FAM227A: variants seen among roughly 807,000 people sequenced by gnomAD.
The protein encoded by FAM227A is protein FAM227A.
In FAM227A, 80 loss-of-function variants were observed where a neutral mutation model predicts 74.7. The ratio of observed to expected loss-of-function variants is 1.07; its 90% CI spans 0.89 to 1.29. The LOEUF (loss-of-function observed/expected upper bound fraction) is 1.29. FAM227A is among the 50% of genes most tolerant of loss of function. The pLI is 0.00. For synonymous variants in FAM227A, 237 were observed against 241.8 expected (o/e 0.98, Z 0.19); for missense variants, 654 against 683.4 (o/e 0.96, Z 0.48).
intron 1 of FAM227A, among the ~76,000 whole-genome samples, chr22:38,655,825 A>G (rs571942220): frequency 1.3e-5 from 2 of 152,298 alleles, no homozygotes; most frequent in South Asian, 4.1e-4. Context: ...TTGGAGTCAA[A>G]GACCCCTGGG....
intron 6 of FAM227A, among the ~76,000 whole-genome samples, chr22:38,631,294 C>CA (rs2091911187): frequency 6.6e-6 from 1 of 151,970 alleles, no homozygotes; most frequent in South Asian, 2.1e-4. Flanking sequence ...AAACAGAAAA[C>CA]AAAATACTGC....
rs540629277 is a variant in FAM227A, at chr22:38,612,498, T to G, written c.1039-5022A>C. ...TGGCTGACTCCTCATCTCTTGGTTC[T>G]CAGCTCAAATGGTATCTTCTGGGGT... On this transcript the variant is annotated intron_variant, in intron 11 of 16. Coordinates refer to ENST00000535113, the MANE Select transcript of FAM227A (RefSeq NM_001013647.2). Among the ~76,000 whole-genome samples, 93 of 152,308 alleles carry G rather than the reference T, an allele frequency of 6.1e-4. 2 individuals are homozygous for G. In the South Asian group the frequency reaches 0.01, roughly 17 times the overall value.
At chr22:38,652,590 GAAA>G (rs779788341) in intron 1 of FAM227A, among the ~76,000 whole-genome samples, 1 of 59,164 alleles carries the variant, frequency 1.7e-5, no homozygotes, top group Non-Finnish European at 3.5e-5. Flanking sequence ...TCCATCTCAA[GAAA>G]AAAAAAAAAA....
At chr22:38,645,693 C>A (rs1214270610) in intron 2 of FAM227A, 48 bp from the exon 3 acceptor site, 1 of 1,226,618 alleles carries the variant, frequency 8.2e-7, no homozygotes, top group Non-Finnish European at 1.2e-6. Context: ...ATTACACACA[C>A]AACAGGATGG....
Position 38,650,273 on chromosome 22 carries a change from TAAAC to T in FAM227A, c.-94-15_-94-12del. On this transcript the variant is annotated splice_polypyrimidine_tract_variant and intron_variant, in intron 1 of 16. Coordinates refer to ENST00000535113, the MANE Select transcript of FAM227A (RefSeq NM_001013647.2). ...TGTTTAATCAGCCTCCTGGAAATCA[TAAAC>T]AGCATAGAGCCAGCTCAGAAAACAC... 8.6e-7 allele frequency: 1 copy of T among 1,156,258 alleles called. No individual in the cohort carries two copies. Among genetic ancestry groups the T allele is most frequent in the South Asian group, 1.5e-5 (1 of 67,588 alleles). 71.6% of individuals were successfully genotyped at this position (1,156,258 alleles called of 1,614,324 possible). A position where few individuals can be genotyped will look rare whatever the true frequency, so the allele number is the denominator to read the frequency against.
At chr22:38,635,717 G>A (rs2091990255) in intron 6 of FAM227A, among the ~76,000 whole-genome samples, 1 of 152,194 alleles carries the variant, frequency 6.6e-6, no homozygotes, top group African/African-American at 2.4e-5. Context: ...AATTGGCTGG[G>A]CATAGTGGTT....
At chr22:38,590,086 C>CACAAA (rs59529052) in intron 16 of FAM227A, among the ~76,000 whole-genome samples, 47,487 of 146,432 alleles carry the variant, frequency 0.32, 8,068 homozygotes, top group African/African-American at 0.4. Context: ...ATCTCTGCTA[C>CACAAA]ACAAAACAAA....
At chr22:38,611,550 A>T (rs1170209834) in intron 11 of FAM227A, among the ~76,000 whole-genome samples, 1 of 152,216 alleles carries the variant, frequency 6.6e-6, no homozygotes, top group Non-Finnish European at 1.5e-5. Context: ...CCTAGATTGA[A>T]TCTATAAGAA....
At chr22:38,653,152 C>G (rs1254921676) in intron 1 of FAM227A, among the ~76,000 whole-genome samples, 3 of 152,066 alleles carry the variant, frequency 2.0e-5, no homozygotes, top group Non-Finnish European at 1.5e-5. Flanking sequence ...AGTGCAAACC[C>G]TATTATGAAC....
intron 15 of FAM227A, among the ~76,000 whole-genome samples, chr22:38,593,045 C>A (rs1377265900): frequency 6.6e-6 from 1 of 152,188 alleles, no homozygotes; most frequent in African/African-American, 2.4e-5. Context: ...GGTCACAGAA[C>A]CAGTAAGTAA....
chr22:38,601,226 TG>T (rs2091170191), intron 13 of FAM227A, among the ~76,000 whole-genome samples: 1 of 151,806 alleles, frequency 6.6e-6, no homozygotes, highest in Non-Finnish European at 1.5e-5. Context: ...GGCCAGGGTA[TG>T]GAGAGTGGTA....
rs2091860582 is a variant in FAM227A at position 38,628,846 on chromosome 22, A to T, written c.609T>A (p.His203Gln). 1.3e-6 allele frequency: 2 copies of T among 1,530,432 alleles called. No individual in the cohort carries two copies. The highest frequency in any genetic ancestry group is 1.4e-5 in the African/African-American group (1 of 72,420). 94.8% of individuals were successfully genotyped at this position (1,530,432 alleles called of 1,614,324 possible). A position where few individuals can be genotyped will look rare whatever the true frequency, so the allele number is the denominator to read the frequency against. Reference sequence around the variant, plus strand: ...GATTTGTATTTACCTGGTACCTCTCATGAAATATCCACCAAAAGCTATCCA... The same window carrying T: ...GATTTGTATTTACCTGGTACCTCTCTTGAAATATCCACCAAAAGCTATCCA... ...IWLDSFWWIF[H>Q]ERYQPNKELQ... The change falls in exon 7 of 17, where the codon CAT becomes CAA. Residue 203 changes from histidine (H) to glutamine (Q), a missense_variant. Coordinates refer to ENST00000535113, the MANE Select transcript of FAM227A (RefSeq NM_001013647.2).
At position 38,581,093 on chromosome 22, in the gene FAM227A, TAA is replaced by T. The variant is rs2090703134; in HGVS notation, c.*5030_*5031del. ...CGCGTCCAGACACCAATCCGTTTTT[TAA>T]AAGTCACAATATGAACTTACAGGTG... On this transcript the variant is annotated 3_prime_UTR_variant, in exon 17 of 17. Coordinates refer to ENST00000535113, the MANE Select transcript of FAM227A (RefSeq NM_001013647.2). 1 of 152,312 alleles carries T rather than the reference TAA, an allele frequency of 6.6e-6. No homozygotes were observed. The highest frequency in any genetic ancestry group is 6.5e-5 in the Admixed American group (1 of 15,302). 9.4% of individuals were successfully genotyped at this position (152,312 alleles called of 1,614,324 possible).
chr22:38,583,954 C>T lies in FAM227A; in HGVS notation c.*2171G>A, dbSNP rs1282934250. 4 of 152,276 alleles carry T rather than the reference C, an allele frequency of 2.6e-5. No homozygotes were observed. Among genetic ancestry groups the T allele is most frequent in the Non-Finnish European group, 5.9e-5 (4 of 68,110 alleles). 9.4% of individuals were successfully genotyped at this position (152,276 alleles called of 1,614,324 possible). ...GACAGGTGAACTGTTCTAGCACAGA[C>T]CAGGTCACTGCCTTGTGCCTTGAAG... On this transcript the variant is annotated 3_prime_UTR_variant, in exon 17 of 17. Transcript: ENST00000535113.
At chr22:38,606,715 A>G (rs528246414) in intron 12 of FAM227A, among the ~76,000 whole-genome samples, 1 of 152,294 alleles carries the variant, frequency 6.6e-6, no homozygotes, top group South Asian at 2.1e-4. Flanking sequence ...AGTCACCAAT[A>G]TAAATTAAGA....
chr22:38,586,820 C>T (rs904039573), intron 16 of FAM227A, among the ~76,000 whole-genome samples: 1 of 151,996 alleles, frequency 6.6e-6, no homozygotes, highest in Admixed American at 6.6e-5. Flanking sequence ...AGGCATGCAC[C>T]ACCATGCCCA....
chr22:38,610,518 C>T (rs565696598), intron 11 of FAM227A, among the ~76,000 whole-genome samples: 1 of 130,696 alleles, frequency 7.7e-6, no homozygotes, highest in Admixed American at 7.2e-5. Flanking sequence ...TGGGGCAAGC[C>T]ATTTATCCCC....
At chr22:38,654,956 A>AT (rs1165381687) in intron 1 of FAM227A, among the ~76,000 whole-genome samples, 1 of 149,252 alleles carries the variant, frequency 6.7e-6, no homozygotes, top group Non-Finnish European at 1.5e-5. Flanking sequence ...TCTAAAATAA[A>AT]TAAATAAATA....
At chr22:38,624,900 G>A (rs930616352) in intron 9 of FAM227A, among the ~76,000 whole-genome samples, 2 of 152,106 alleles carry the variant, frequency 1.3e-5, no homozygotes, top group Non-Finnish European at 2.9e-5. Context: ...ACACTTAAAC[G>A]CAGAGACCTA....
Sources: gnomAD v4.1 joint callset for allele counts (sites outside exome capture counted in the v4.1 genomes callset) on GRCh38, gnomAD v4.1.1 for gene constraint, MANE v1.5 for transcripts, NCBI Gene and HGNC (gene_info 2026-07-23, HGNC 2026-07-21) for gene names.